RPGRIP1L: variants seen among roughly 807,000 people sequenced by gnomAD.
RPGRIP1L encodes RPGRIP1 like, also known as protein fantom.
A neutral mutation model predicts 160.4 loss-of-function variants in RPGRIP1L; 131 were observed. The ratio of observed to expected loss-of-function variants is 0.82; its 90% CI spans 0.71 to 0.94. The LOEUF (loss-of-function observed/expected upper bound fraction) is 0.94, where lower values mean the gene tolerates loss of function less well. RPGRIP1L is among the 40% of genes least tolerant of loss of function. RPGRIP1L has a pLI of 0.00. For missense variants in RPGRIP1L, 1,522 were observed against 1,535.8 expected, an observed-to-expected ratio of 0.99 and a Z score of 0.15; for synonymous variants, 510 against 515.8, an observed-to-expected ratio of 0.99 and a Z score of 0.15.
intron 16 of RPGRIP1L, 34 bp from the exon 17 acceptor site, chr16:53,646,037 AAC>A: frequency 6.2e-7 from 1 of 1,605,348 alleles, no homozygotes; most frequent in Non-Finnish European, 8.5e-7. Flanking sequence ...TTAAGGAAAT[AAC>A]ACAGTTAAAA....
At chr16:53,638,158 C>T in intron 20 of RPGRIP1L, 152 bp downstream of exon 20, 1 of 644,530 alleles carries the variant, frequency 1.6e-6, no homozygotes, top group East Asian at 2.7e-5. Flanking sequence ...ATGGCTGTTA[C>T]CCTTGTCATA....
In RPGRIP1L at chr16:53,703,831, G is replaced by A. The variant is rs1357679532; in HGVS notation, c.-36C>T. ...GCCACTGGCCCTGCAGCTAGCTACC[G>A]TTGCTATAGCGCCGACAGCGTGGCG... On this transcript the variant is annotated 5_prime_UTR_variant, in exon 1 of 27. In the 5' UTR this introduces an upstream ATG that the reference lacks. Coordinates refer to ENST00000647211, the MANE Select transcript of RPGRIP1L (RefSeq NM_015272.5). 3 of 443,976 alleles carry A rather than the reference G, an allele frequency of 6.8e-6. No homozygotes were observed. The Admixed American group carries it at 1.0e-4, about 15-fold the overall frequency. The allele number at this position is 443,976 out of a possible 1,614,324, so 27.5% of individuals were successfully genotyped here.
chr16:53,672,928 C>G lies in RPGRIP1L; in HGVS notation c.971G>C (p.Cys324Ser), dbSNP rs745997546. ...NMQLKEQRLK[C>S]CSLEKQLHSM... ...ATGTAATTGTTTCTCAAGACTGCAGCATTTTAAACGCTGCTCTTTAAGTTG... is the reference window on the plus strand; with the variant it reads ...ATGTAATTGTTTCTCAAGACTGCAGGATTTTAAACGCTGCTCTTTAAGTTG... The change falls in exon 8 of 27, where the codon TGC (cysteine) becomes TCC (serine). Residue 324 changes from cysteine (C) to serine (S), a missense_variant. By Grantham distance (112) the Cys-to-Ser change is moderately radical. Coordinates refer to ENST00000647211, the MANE Select transcript of RPGRIP1L (RefSeq NM_015272.5). 15 of 1,612,942 alleles carry G rather than the reference C, an allele frequency of 9.3e-6. No homozygotes were observed. The African/African-American group carries it at 1.7e-4, about 19-fold the overall frequency.
At chr16:53,615,470 A>ATTTT (rs1436816285) in intron 24 of RPGRIP1L, among the ~76,000 whole-genome samples, 1,873 of 85,002 alleles carry the variant, frequency 0.022, 126 homozygotes, top group African/African-American at 0.088. Flanking sequence ...ATATATATAT[A>ATTTT]TATTTTTTTT....
chr16:53,661,867 A>G (rs1221223971), intron 10 of RPGRIP1L, among the ~76,000 whole-genome samples: 1 of 152,172 alleles, frequency 6.6e-6, no homozygotes, highest in African/African-American at 2.4e-5. Flanking sequence ...GTGAGAAGAC[A>G]TTACTGAGTA....
chr16:53,691,979 G>A (rs897027593), intron 4 of RPGRIP1L, 87 bp downstream of exon 4: 27 of 1,243,250 alleles, frequency 2.2e-5, no homozygotes, highest in East Asian at 9.3e-5. Context: ...AAAAGCATGC[G>A]TAATACAGAA....
intron 22 of RPGRIP1L, among the ~76,000 whole-genome samples, chr16:53,626,342 A>C (rs1965176453): frequency 6.6e-6 from 1 of 152,128 alleles, no homozygotes; most frequent in Non-Finnish European, 1.5e-5. Flanking sequence ...CCTTTGATAC[A>C]GGAAATTGGC....
At position 53,634,281 on chromosome 16, in the gene RPGRIP1L, T is replaced by C. The variant is rs1021734505; in HGVS notation, c.3294+2158A>G. Among the ~76,000 whole-genome samples, 3 of 152,224 alleles carry C rather than the reference T, an allele frequency of 2.0e-5. No individual in the cohort carries two copies. In the East Asian group the frequency reaches 5.8e-4, roughly 29 times the overall value. On this transcript the variant is annotated intron_variant, in intron 22 of 26. Transcript: ENST00000647211. ...TCCTGAAGGCCATATTTCTTAATAA[T>C]GTTGCATTGGGGATTAAGTTTCAAC...
chr16:53,621,818 C>G (rs1322875547), intron 23 of RPGRIP1L, among the ~76,000 whole-genome samples: 1 of 138,536 alleles, frequency 7.2e-6, no homozygotes, highest in South Asian at 2.4e-4. Context: ...GTCAGGAGAT[C>G]GAGACCATCC....
intron 18 of RPGRIP1L, 24 bp downstream of exon 18, chr16:53,641,261 A>G (rs1479476280): frequency 2.5e-6 from 4 of 1,609,066 alleles, no homozygotes; most frequent in South Asian, 1.1e-5. Flanking sequence ...ACTTGTAAAA[A>G]AATTAAAAGT....
intron 19 of RPGRIP1L, among the ~76,000 whole-genome samples, chr16:53,639,342 A>G (rs1042606777): frequency 5.9e-5 from 9 of 152,166 alleles, no homozygotes; most frequent in African/African-American, 2.2e-4. Flanking sequence ...AATTTTGGTT[A>G]CACAATAATA....
At chr16:53,626,650 C>G (rs1454233636) in intron 22 of RPGRIP1L, among the ~76,000 whole-genome samples, 1 of 151,776 alleles carries the variant, frequency 6.6e-6, no homozygotes. Context: ...ACTAAAGATA[C>G]AAAAATTAGC....
At chr16:53,647,573 G>A (rs187404746) in intron 16 of RPGRIP1L, among the ~76,000 whole-genome samples, 69 of 152,304 alleles carry the variant, frequency 4.5e-4, no homozygotes, top group African/African-American at 1.7e-3. Context: ...GGCTCAACTG[G>A]GGTCAAGTGG....
rs267604575 is a variant in RPGRIP1L, at chr16:53,649,038, G to T, written c.2230C>A (p.Arg744=). 1 of 1,613,704 alleles carries T rather than the reference G, an allele frequency of 6.2e-7. No individual in the cohort carries two copies. Among genetic ancestry groups the T allele is most frequent in the South Asian group, 1.1e-5 (1 of 91,074 alleles). ...GCCTTTGCCCTTTCTCGATAAAGTCGAATTGCTTGATCCATGGGAACTCTT... is the reference window on the plus strand; with the variant it reads ...GCCTTTGCCCTTTCTCGATAAAGTCTAATTGCTTGATCCATGGGAACTCTT... ...RLRVPMDQAI[R]LYRERAKALG... The change falls in exon 16 of 27, where the codon CGA becomes AGA. Residue 744 remains arginine, a synonymous_variant. Coordinates refer to ENST00000647211, the MANE Select transcript of RPGRIP1L (RefSeq NM_015272.5).
At chr16:53,662,320 C>T (rs1198151350) in intron 10 of RPGRIP1L, among the ~76,000 whole-genome samples, 1 of 152,018 alleles carries the variant, frequency 6.6e-6, no homozygotes, top group Non-Finnish European at 1.5e-5. Context: ...AAAAGCAAGC[C>T]CTTAAACACA....
chr16:53,614,999 G>C (rs1010742766), intron 24 of RPGRIP1L, among the ~76,000 whole-genome samples: 1 of 152,140 alleles, frequency 6.6e-6, no homozygotes, highest in African/African-American at 2.4e-5. Context: ...TTAATTATAA[G>C]GAGTCGATAA....
intron 22 of RPGRIP1L, among the ~76,000 whole-genome samples, chr16:53,623,098 TAAAG>T (rs1598255265): frequency 6.6e-6 from 1 of 152,324 alleles, no homozygotes; most frequent in East Asian, 1.9e-4. Context: ...GTTGGGGAGA[TAAAG>T]AAAAATAAGA....
intron 22 of RPGRIP1L, among the ~76,000 whole-genome samples, chr16:53,625,627 C>G (rs1346227627): frequency 6.6e-6 from 1 of 152,186 alleles, no homozygotes; most frequent in Non-Finnish European, 1.5e-5. Flanking sequence ...CCAGCCGCCA[C>G]CCCGTCTGGG....
At chr16:53,671,065 C>A (rs1210087470) in intron 9 of RPGRIP1L, among the ~76,000 whole-genome samples, 1 of 152,212 alleles carries the variant, frequency 6.6e-6, no homozygotes, top group Admixed American at 6.5e-5. Flanking sequence ...CCACTGCACT[C>A]CAGCTTGGGT....
Sources: allele counts gnomAD v4.1 joint callset (sites outside exome capture counted in the v4.1 genomes callset), GRCh38; gene constraint gnomAD v4.1.1; transcripts MANE v1.5; gene names NCBI Gene and HGNC (gene_info 2026-07-23, HGNC 2026-07-21).